Variants in HPSE2 observed in about 807,000 individuals in gnomAD.
HPSE2 encodes heparanase 2 (inactive).
HPSE2 carries 38 observed loss-of-function variants against 60.5 expected under a neutral mutation model. That is an observed-to-expected ratio of 0.63 (90% CI 0.48 to 0.82). The LOEUF (loss-of-function observed/expected upper bound fraction) is 0.82. Among genes scored for constraint, HPSE2 ranks in the 40% least tolerant of loss-of-function variants. The pLI is 0.00. For synonymous variants in HPSE2, 295 were observed against 293.2 expected, an observed-to-expected ratio of 1.01 and a Z score of -0.06; for missense variants, 713 against 740.4, an observed-to-expected ratio of 0.96 and a Z score of 0.43.
In HPSE2 at chr10:98,512,521, G is replaced by C. The variant is rs191413166; in HGVS notation, c.1321-22325C>G. 1.5e-3 allele frequency among the ~76,000 whole-genome samples: 220 copies of C among 151,324 alleles called. 1 individual carries two copies. Among genetic ancestry groups the C allele is most frequent in the Non-Finnish European group, 2.9e-3 (199 of 67,888 alleles). On this transcript the variant is annotated intron_variant, in intron 9 of 11. Transcript: ENST00000370552. The stretch of plus-strand genomic sequence containing the variant: ...AATGGCATGAACCCGGGAGGCGGAG[G>C]TTGCAGTGAGCCAAGATCGCACCAC...
intron 3 of HPSE2, among the ~76,000 whole-genome samples, chr10:99,117,318 A>G (rs1292393746): frequency 1.3e-5 from 2 of 149,948 alleles, no homozygotes; most frequent in Non-Finnish European, 3.0e-5. Context: ...CTCTAAAGCT[A>G]GCAGAAGACA....
intron 3 of HPSE2, among the ~76,000 whole-genome samples, chr10:99,010,420 G>C (rs1956986123): frequency 6.6e-6 from 1 of 152,180 alleles, no homozygotes; most frequent in African/African-American, 2.4e-5. Flanking sequence ...TTGCAGCCTT[G>C]TGAAAGAGGG....
At chr10:98,503,881 C>T (rs527944780) in intron 9 of HPSE2, among the ~76,000 whole-genome samples, 34 of 151,986 alleles carry the variant, frequency 2.2e-4, no homozygotes, top group Admixed American at 2.2e-3. Context: ...GGGGAGCAAG[C>T]GATACAAGAC....
rs901459965 is a variant in HPSE2 at position 98,457,416 on chromosome 10, C to G, written c.*2158G>C. ...GGGCGAGCCATGGATCCTCTCCATG[C>G]CTCGTAGGAAAAATGGGGATAACAG... On this transcript the variant is annotated 3_prime_UTR_variant, in exon 12 of 12. Coordinates refer to ENST00000370552, the MANE Select transcript of HPSE2 (RefSeq NM_021828.5). 6.6e-6 allele frequency: 1 copy of G among 152,134 alleles called. No homozygotes were observed. The highest frequency in any genetic ancestry group is 1.5e-5 in the Non-Finnish European group (1 of 68,026). The allele number at this position is 152,134 out of a possible 1,614,324, so 9.4% of individuals were successfully genotyped here.
chr10:98,834,063 GA>G (rs1452018925), intron 3 of HPSE2, among the ~76,000 whole-genome samples: 3 of 151,818 alleles, frequency 2.0e-5, no homozygotes, highest in South Asian at 2.1e-4. Context: ...CACTAAGAAA[GA>G]AAAAAAAGTT....
chr10:98,643,930 A>G (rs991150614), intron 6 of HPSE2, among the ~76,000 whole-genome samples: 5 of 152,174 alleles, frequency 3.3e-5, no homozygotes, highest in Non-Finnish European at 5.9e-5. Flanking sequence ...TCTTTTCTCA[A>G]TTAGTTCCCA....
intron 3 of HPSE2, among the ~76,000 whole-genome samples, chr10:98,896,798 G>GA (rs1438365473): frequency 1.3e-5 from 2 of 152,096 alleles, no homozygotes; most frequent in Non-Finnish European, 2.9e-5. Flanking sequence ...ATATTAAAAG[G>GA]ATAATAATGG....
chr10:98,772,620 C>A (rs1340765148), intron 3 of HPSE2, among the ~76,000 whole-genome samples: 1 of 152,172 alleles, frequency 6.6e-6, no homozygotes, highest in Non-Finnish European at 1.5e-5. Flanking sequence ...TATTATCATG[C>A]CCTCCTTATT....
intron 9 of HPSE2, among the ~76,000 whole-genome samples, chr10:98,508,732 G>A (rs555041677): frequency 4.2e-4 from 64 of 152,300 alleles, no homozygotes; most frequent in African/African-American, 1.5e-3. Context: ...GACATAAAGT[G>A]TTTGGGGCAA....
chr10:98,488,448 C>T (rs1373760750), intron 10 of HPSE2, among the ~76,000 whole-genome samples: 1 of 152,040 alleles, frequency 6.6e-6, no homozygotes, highest in Non-Finnish European at 1.5e-5. Context: ...GTTCATGGTA[C>T]ACTCAGAATA....
At chr10:98,933,931 A>G (rs1414211951) in intron 3 of HPSE2, among the ~76,000 whole-genome samples, 1 of 142,244 alleles carries the variant, frequency 7.0e-6, no homozygotes, top group Non-Finnish European at 1.5e-5. Context: ...ACGGAGTTTC[A>G]CTGTGTTAGC....
intron 3 of HPSE2, among the ~76,000 whole-genome samples, chr10:99,017,085 G>A (rs779407021): frequency 6.6e-6 from 1 of 152,080 alleles, no homozygotes. Flanking sequence ...AGTGGTGAGA[G>A]AGACTATCCT....
In HPSE2 at chr10:98,949,188, C is replaced by T. The variant is rs1955278442; in HGVS notation, c.610+195050G>A. ...AAGTGTTTTAAAAGAATTTTTGTTT[C>T]TAACAATAATCCTTTAAAAAAAAAG... On this transcript the variant is annotated intron_variant, in intron 3 of 11. Coordinates refer to ENST00000370552, the MANE Select transcript of HPSE2 (RefSeq NM_021828.5). Among the ~76,000 whole-genome samples the T allele has an allele frequency of 2.6e-5, 4 of 152,108 alleles. No homozygotes were observed. The East Asian group carries it at 7.8e-4, about 30-fold the overall frequency.
At chr10:99,095,306 C>T (rs1159050893) in intron 3 of HPSE2, among the ~76,000 whole-genome samples, 2 of 152,110 alleles carry the variant, frequency 1.3e-5, no homozygotes, top group African/African-American at 4.8e-5. Context: ...TTAGTTTCAT[C>T]TCATTTAATG....
At chr10:99,062,066 G>A (rs1842462814) in intron 3 of HPSE2, among the ~76,000 whole-genome samples, 1 of 152,148 alleles carries the variant, frequency 6.6e-6, no homozygotes, top group South Asian at 2.1e-4. Context: ...TCGCTATCAA[G>A]AGGTTCTGCT....
chr10:99,081,526 T>G (rs1349040069), intron 3 of HPSE2, among the ~76,000 whole-genome samples: 1 of 152,112 alleles, frequency 6.6e-6, no homozygotes, highest in South Asian at 2.1e-4. Flanking sequence ...CTGGATATAC[T>G]CGGCACTCAC....
At chr10:99,062,855 A>C (rs1842493851) in intron 3 of HPSE2, among the ~76,000 whole-genome samples, 1 of 152,186 alleles carries the variant, frequency 6.6e-6, no homozygotes, top group Non-Finnish European at 1.5e-5. Flanking sequence ...GCAAAACTAA[A>C]CTATTAGTCC....
At chr10:98,596,121 T>C (rs866040138) in intron 9 of HPSE2, among the ~76,000 whole-genome samples, 1 of 152,190 alleles carries the variant, frequency 6.6e-6, no homozygotes, top group Non-Finnish European at 1.5e-5. Context: ...TTTAGGTGAC[T>C]TTTGCATCTA....
Position 99,232,201 on chromosome 10 carries a change from G to T in HPSE2, c.448+147C>A, listed in dbSNP as rs1373505848. ...CCAGGCTCTCCAAATCTGCCCCAACGCGCGCGCGCGCATACACACACACAC... is the reference window on the plus strand; with the variant it reads ...CCAGGCTCTCCAAATCTGCCCCAACTCGCGCGCGCGCATACACACACACAC... On this transcript the variant is annotated intron_variant, in intron 2 of 11. Coordinates refer to ENST00000370552, the MANE Select transcript of HPSE2 (RefSeq NM_021828.5). 1.4e-5 allele frequency: 11 copies of T among 810,122 alleles called. 1 individual carries two copies. Among genetic ancestry groups the T allele is most frequent in the Non-Finnish European group, 2.1e-5 (11 of 532,488 alleles). The allele number at this position is 810,122 out of a possible 1,614,324, so 50.2% of individuals were successfully genotyped here. A position where few individuals can be genotyped will look rare whatever the true frequency, so the allele number is the denominator to read the frequency against.
Sources: allele counts gnomAD v4.1 joint callset (sites outside exome capture counted in the v4.1 genomes callset), GRCh38; gene constraint gnomAD v4.1.1; transcripts MANE v1.5; gene names NCBI Gene and HGNC (gene_info 2026-07-23, HGNC 2026-07-21).